The following ACSS2 variants were observed in gnomAD, a reference collection of about 807,000 sequenced individuals.
ACSS2 encodes the protein acetyl-coenzyme A synthetase, cytoplasmic.
Under a neutral mutation model 90.6 loss-of-function variants are expected in ACSS2, and 58 were observed. The observed-to-expected ratio is 0.64, with a 90% confidence interval of 0.52 to 0.80. The LOEUF is 0.80. ACSS2 is among the 30% of genes least tolerant of loss of function. The pLI, the probability that ACSS2 is intolerant of heterozygous loss-of-function variation, is 0.00. For missense variants in ACSS2, 759 were observed against 912.0 expected, an observed-to-expected ratio of 0.83 and a Z score of 2.16; for synonymous variants, 300 against 330.9, an observed-to-expected ratio of 0.91 and a Z score of 1.01.
rs748140150 is a variant in ACSS2, at chr20:34,882,992, A to G, written c.374+3A>G. ...GGAGATAAAGTTGCTTTTTACTGGT[A>G]AAAATATCTATCTTATACTTGGTGG... On this transcript the variant is annotated splice_donor_region_variant and intron_variant, in intron 2 of 17. Coordinates refer to ENST00000360596, the MANE Select transcript of ACSS2 (RefSeq NM_018677.4). The G allele has an allele frequency of 1.7e-5, 27 of 1,600,770 alleles. No homozygotes were observed. The highest frequency in any genetic ancestry group is 1.7e-4 in the Middle Eastern group (1 of 5,956).
chr20:34,877,243 T>G (rs1043715449), intron 1 of ACSS2, among the ~76,000 whole-genome samples: 4 of 152,084 alleles, frequency 2.6e-5, no homozygotes, highest in African/African-American at 9.7e-5. Flanking sequence ...CTTTCTTTGC[T>G]TCCCTTTCAC....
At position 34,927,276 on chromosome 20, in the gene ACSS2, C is replaced by G. The variant is rs183063922; in HGVS notation, c.*62C>G. 3.1e-6 allele frequency: 5 copies of G among 1,599,968 alleles called. No homozygotes were observed. The East Asian group carries it at 1.1e-4, about 36-fold the overall frequency. On this transcript the variant is annotated 3_prime_UTR_variant, in exon 18 of 18. Coordinates refer to ENST00000360596, the MANE Select transcript of ACSS2 (RefSeq NM_018677.4). The surrounding 1 kb of genome is among the most constrained non-coding windows in gnomAD (Gnocchi z 4.2). ...CCAAACTTTGCCCATCCTCTTTGCC[C>G]CCTCAGGAGTGCTGAGGGCCAGTGT... is the stretch of plus-strand genomic sequence containing the variant.
At chr20:34,910,206 G>A (rs1171820209) in intron 2 of ACSS2, among the ~76,000 whole-genome samples, 3 of 151,844 alleles carry the variant, frequency 2.0e-5, no homozygotes, top group Admixed American at 6.6e-5. Context: ...ATATCTCAAG[G>A]GTCTTATTAA....
Position 34,913,143 on chromosome 20 carries a change from T to C in ACSS2, c.422T>C (p.Leu141Pro). ...GETTQITYHQ[L>P]LVQVCQFSNV... is the part of the protein sequence containing the mutation. ...ACCACTCAGATCACATACCATCAGC[T>C]TCTGGTCCAAGTGTGTCAGTTCAGC... is the stretch of plus-strand genomic sequence containing the variant. Residue 141 changes from leucine to proline, a missense_variant, in exon 3 of 18, where the codon CTT (leucine) becomes CCT (proline). Transcript: ENST00000360596. 6.2e-7 allele frequency: 1 copy of C among 1,614,164 alleles called. No homozygotes were observed. The highest frequency in any genetic ancestry group is 8.5e-7 in the Non-Finnish European group (1 of 1,180,026).
At chr20:34,923,470 G>T (rs2081246665) in intron 14 of ACSS2, 39 bp downstream of exon 14, 1 of 1,418,368 alleles carries the variant, frequency 7.1e-7, no homozygotes, top group African/African-American at 1.4e-5. Context: ...CTCCCACTAA[G>T]ACATGTACCT....
intron 2 of ACSS2, among the ~76,000 whole-genome samples, chr20:34,911,893 T>C (rs151233686): frequency 0.011 from 1,607 of 152,152 alleles, 32 homozygotes; most frequent in African/African-American, 0.036. Context: ...TGATCTTGGC[T>C]CACCACAACC....
At position 34,927,170 on chromosome 20, in the gene ACSS2, G is replaced by A. The variant is rs1282759700; in HGVS notation, c.2062G>A (p.Val688Ile). ...GDMSTVADPSVISHLFSHRCL... is the reference protein window; with the variant it reads ...GDMSTVADPSIISHLFSHRCL... ...CATGTCTACTGTGGCTGACCCATCT[G>A]TCATCAGTCACCTCTTCAGCCACCG... Residue 688 changes from valine to isoleucine, a missense_variant, in exon 18 of 18, where the codon GTC becomes ATC. Transcript: ENST00000360596. This position sits in a 1 kb window ranked among gnomAD's most constrained non-coding sequence, Gnocchi z 4.2. 1 of 1,613,998 alleles carries A rather than the reference G, an allele frequency of 6.2e-7. No homozygotes were observed.
intron 2 of ACSS2, among the ~76,000 whole-genome samples, chr20:34,903,870 C>CAAAA (rs11474981): frequency 1.1e-5 from 1 of 93,468 alleles, no homozygotes; most frequent in African/African-American, 3.7e-5. Context: ...GACATTGTCT[C>CAAAA]AAAAAAAAAA....
intron 8 of ACSS2, among the ~76,000 whole-genome samples, 196 bp downstream of exon 8, chr20:34,919,768 G>A (rs2081156212): frequency 6.6e-6 from 1 of 152,066 alleles, no homozygotes; most frequent in Admixed American, 6.5e-5. Flanking sequence ...GAGGCCCAGG[G>A]TGAGACAGTT....
chr20:34,900,558 A>C (rs2080633052), intron 2 of ACSS2, among the ~76,000 whole-genome samples: 1 of 152,112 alleles, frequency 6.6e-6, no homozygotes. Context: ...GAAATTTCAT[A>C]AATAGTCCAC....
intron 1 of ACSS2, among the ~76,000 whole-genome samples, chr20:34,878,346 C>T (rs1354564306): frequency 6.6e-6 from 1 of 152,230 alleles, no homozygotes; most frequent in Non-Finnish European, 1.5e-5. Flanking sequence ...CCTGGCTCTG[C>T]TGTTCATTTA....
At chr20:34,902,025 A>G (rs1004230592) in intron 2 of ACSS2, among the ~76,000 whole-genome samples, 1 of 152,160 alleles carries the variant, frequency 6.6e-6, no homozygotes, top group South Asian at 2.1e-4. Flanking sequence ...CTCTAACAGA[A>G]AGGTTTTTTT....
chr20:34,900,046 A>C (rs1404992851), intron 2 of ACSS2, among the ~76,000 whole-genome samples: 1 of 151,670 alleles, frequency 6.6e-6, no homozygotes, highest in Non-Finnish European at 1.5e-5. Flanking sequence ...GAGGTTTCCA[A>C]TTTCTGCACA....
chr20:34,925,514 G>A (rs897194163), intron 14 of ACSS2, among the ~76,000 whole-genome samples, 184 bp from the exon 15 acceptor site: 1 of 152,152 alleles, frequency 6.6e-6, no homozygotes, highest in Non-Finnish European at 1.5e-5. Context: ...GAGGACTGCA[G>A]GGCTATGAAT....
Position 34,921,584 on chromosome 20 carries a change from T to C in ACSS2, c.1451T>C (p.Met484Thr), listed in dbSNP as rs1327770577. The change falls in exon 12 of 18, where the codon ATG becomes ACG. Residue 484 changes from methionine (M) to threonine (T), a missense_variant. Physicochemically the swap from Met to Thr is moderately conservative, Grantham distance 81. Coordinates refer to ENST00000360596, the MANE Select transcript of ACSS2 (RefSeq NM_018677.4). Reference sequence around the variant, plus strand: ...ACTCCCCTTCCTGGTGCCACACCCATGAAACCCGGTTCTGCTGTGAGTGAT... The same window carrying C: ...ACTCCCCTTCCTGGTGCCACACCCACGAAACCCGGTTCTGCTGTGAGTGAT... Reference protein sequence around the residue: ...MLTPLPGATPMKPGSATFPFF... With the variant: ...MLTPLPGATPTKPGSATFPFF... The C allele has an allele frequency of 1.2e-6, 2 of 1,614,206 alleles. No individual in the cohort carries two copies. The highest frequency in any genetic ancestry group is 2.2e-5 in the East Asian group (1 of 44,886).
At chr20:34,905,701 T>C (rs2080782170) in intron 2 of ACSS2, among the ~76,000 whole-genome samples, 1 of 152,238 alleles carries the variant, frequency 6.6e-6, no homozygotes, top group Admixed American at 6.5e-5. Flanking sequence ...TGCCAGAGCA[T>C]GCATTTGCCA....
In ACSS2 at chr20:34,919,421, G is replaced by C; in HGVS notation, c.835-14G>C. The C allele has an allele frequency of 6.2e-7, 1 of 1,613,644 alleles. No individual in the cohort carries two copies. Among genetic ancestry groups the C allele is most frequent in the South Asian group, 1.1e-5 (1 of 91,052 alleles). On this transcript the variant is annotated splice_polypyrimidine_tract_variant and intron_variant, in intron 7 of 17. Transcript: ENST00000360596. ...CTTGAGCTGTTCACAGTTCTTCCCT[G>C]CCCATCCCTGCAGATCTCATGGAAC... is the stretch of plus-strand genomic sequence containing the variant.
At chr20:34,924,627 G>A (rs1267208892) in intron 14 of ACSS2, among the ~76,000 whole-genome samples, 1 of 152,288 alleles carries the variant, frequency 6.6e-6, no homozygotes, top group African/African-American at 2.4e-5. Context: ...GGAGGGTCTT[G>A]TGGGCCATGG....
At chr20:34,905,503 G>A (rs141620412) in intron 2 of ACSS2, among the ~76,000 whole-genome samples, 4,001 of 151,110 alleles carry the variant, frequency 0.026, 154 homozygotes, top group African/African-American at 0.092. Flanking sequence ...CTCATGATCC[G>A]CCCGCCTCAG....
Sources: allele counts gnomAD v4.1 joint callset (sites outside exome capture counted in the v4.1 genomes callset), GRCh38; gene constraint gnomAD v4.1.1; non-coding constraint Gnocchi (gnomAD v3.1); transcripts MANE v1.5; gene names NCBI Gene and HGNC (gene_info 2026-07-23, HGNC 2026-07-21).